Variants in TFAP2E observed in about 807,000 individuals in gnomAD.
TFAP2E encodes transcription factor AP-2-epsilon.
In TFAP2E, 30 loss-of-function variants were observed where a neutral mutation model predicts 37.9. The observed-to-expected ratio is 0.79, with a 90% CI of 0.59 to 1.07. The LOEUF (loss-of-function observed/expected upper bound fraction) is 1.07. Ranked by LOEUF, TFAP2E falls within the 50% of genes least tolerant of loss-of-function variation. TFAP2E has a pLI of 0.00. For missense variants in TFAP2E, 567 were observed against 637.9 expected, an observed-to-expected ratio of 0.89 and a Z score of 1.20; for synonymous variants, 318 against 295.8, an observed-to-expected ratio of 1.08 and a Z score of -0.77.
In TFAP2E at chr1:35,590,679, C is replaced by G; in HGVS notation, c.950C>G (p.Thr317Arg). The G allele has an allele frequency of 6.4e-7, 1 of 1,556,300 alleles. No homozygotes were observed. The highest frequency in any genetic ancestry group is 1.2e-5 in the South Asian group (1 of 84,024). Residue 317 changes from threonine to arginine, a missense_variant, in exon 6 of 7, where the codon ACG becomes AGG. Coordinates refer to ENST00000373235, the MANE Select transcript of TFAP2E (RefSeq NM_178548.4). The surrounding 1 kb of genome is among the most constrained non-coding windows in gnomAD (Gnocchi z 6.2). ...CGAGACTTCGGTTACGTCTGTGAGA[C>G]GGAGTTCCCAGCCAAGGCAGCTGCC... ...LARDFGYVCE[T>R]EFPAKAAAEY...
chr1:35,585,705 TTAC>T (rs1649461974), intron 3 of TFAP2E, among the ~76,000 whole-genome samples: 2 of 152,136 alleles, frequency 1.3e-5, no homozygotes, highest in African/African-American at 4.8e-5. Context: ...AATATATTAT[TTAC>T]TATTATATTG....
intron 3 of TFAP2E, among the ~76,000 whole-genome samples, chr1:35,578,068 G>A (rs1010740073): frequency 2.0e-5 from 3 of 152,188 alleles, no homozygotes; most frequent in African/African-American, 7.2e-5. Context: ...GAGTGCCCGA[G>A]GTTGGGTGAG....
chr1:35,591,631 G>C (rs1318579434), intron 6 of TFAP2E, among the ~76,000 whole-genome samples: 1 of 152,170 alleles, frequency 6.6e-6, no homozygotes, highest in Admixed American at 6.5e-5. Flanking sequence ...TTCAAACTAG[G>C]TCTGCGAGGG....
chr1:35,588,466 G>A lies in TFAP2E; in HGVS notation c.699G>A (p.Lys233=), dbSNP rs758607061. 2 of 1,610,232 alleles carry A rather than the reference G, an allele frequency of 1.2e-6. No individual in the cohort carries two copies. The highest frequency in any genetic ancestry group is 1.7e-6 in the Non-Finnish European group (2 of 1,179,476). The part of the protein sequence containing the change: ...GRLSLLSSTS[K]YKVTVGEVQR... ...TTTCACTGCTCAGCTCAACGTCCAA[G>A]TACAAGGTGACGGTGGGGGAGGTGC... is the stretch of plus-strand genomic sequence containing the variant. Residue 233 remains lysine (K), a synonymous_variant, in exon 4 of 7, where the codon AAG becomes AAA. Transcript: ENST00000373235. The surrounding 1 kb of genome is among the most constrained non-coding windows in gnomAD (Gnocchi z 5.1).
chr1:35,588,685 G>A lies in TFAP2E; in HGVS notation c.785+133G>A, dbSNP rs1467918075. ...TCTCCCTGGGAGGGGAGGCCCCGGG[G>A]ACTCTGGATTGTGCATGTTGTGGGG... is the stretch of plus-strand genomic sequence containing the variant. On this transcript the variant is annotated intron_variant, in intron 4 of 6. Transcript: ENST00000373235. The surrounding 1 kb of genome is among the most constrained non-coding windows in gnomAD (Gnocchi z 5.1). 4.1e-6 allele frequency: 4 copies of A among 964,384 alleles called. No individual in the cohort carries two copies. The highest frequency in any genetic ancestry group is 2.9e-6 in the Non-Finnish European group (2 of 682,324). The allele number at this position is 964,384 out of a possible 1,614,324, so 59.7% of individuals were successfully genotyped here.
In TFAP2E at chr1:35,594,498, C is replaced by A. The variant is rs945510282; in HGVS notation, c.1151C>A (p.Thr384Lys). ...ILEPGVQSCL[T>K]HFSLITHGFG... ...GAGCCCGGAGTACAGAGCTGCTTGA[C>A]ACACTTTAGCCTCATCACCCATGGC... The change falls in exon 7 of 7, where the codon ACA becomes AAA. Residue 384 changes from threonine to lysine, a missense_variant. Coordinates refer to ENST00000373235, the MANE Select transcript of TFAP2E (RefSeq NM_178548.4). 8 of 1,614,100 alleles carry A rather than the reference C, an allele frequency of 5.0e-6. No individual in the cohort carries two copies. Among genetic ancestry groups the A allele is most frequent in the Non-Finnish European group, 6.8e-6 (8 of 1,180,048 alleles).
Position 35,594,545 on chromosome 1 carries a change from G to T in TFAP2E, c.1198G>T (p.Ala400Ser). 1 of 1,614,184 alleles carries T rather than the reference G, an allele frequency of 6.2e-7. No individual in the cohort carries two copies. Among genetic ancestry groups the T allele is most frequent in the East Asian group, 2.2e-5 (1 of 44,878 alleles). Residue 400 changes from alanine (A) to serine (S), a missense_variant, in exon 7 of 7, where the codon GCT becomes TCT. Ala to Ser is a moderately conservative substitution (Grantham distance 99, BLOSUM62 1). This residue lies in a region of TFAP2E where 252 missense variants were observed against 302.6 expected (regional missense o/e 0.83). Transcript: ENST00000373235. ...THGFGGPAIC[A>S]ALTAFQNYLL... ...TGGCTTCGGTGGGCCTGCCATCTGT[G>T]CTGCCCTCACTGCCTTCCAGAACTA...
chr1:35,583,830 T>C (rs1649414636), intron 3 of TFAP2E, among the ~76,000 whole-genome samples: 1 of 152,120 alleles, frequency 6.6e-6, no homozygotes, highest in Non-Finnish European at 1.5e-5. Context: ...TAACCATGGA[T>C]TCCATCCCTC....
chr1:35,579,683 C>G (rs957604156), intron 3 of TFAP2E, among the ~76,000 whole-genome samples: 1 of 152,100 alleles, frequency 6.6e-6, no homozygotes, highest in African/African-American at 2.4e-5. Context: ...GCGTGAGCCA[C>G]CACGCTTGGC....
Position 35,589,983 on chromosome 1 carries a change from G to C in TFAP2E, c.839G>C (p.Gly280Ala). 6.2e-7 allele frequency: 1 copy of C among 1,614,148 alleles called. No homozygotes were observed. The highest frequency in any genetic ancestry group is 1.1e-5 in the South Asian group (1 of 91,078). The stretch of plus-strand genomic sequence containing the variant: ...TTGCGGGAACGGTTAGAGAAGATTG[G>C]GCTCAACCTGCCAGCTGGCCGTCGC... Reference protein sequence around the residue: ...RCLRERLEKIGLNLPAGRRKA... With the variant: ...RCLRERLEKIALNLPAGRRKA... The change falls in exon 5 of 7, where the codon GGG becomes GCG. Residue 280 changes from glycine (G) to alanine (A), a missense_variant. Transcript: ENST00000373235.
chr1:35,577,816 T>G lies in TFAP2E; in HGVS notation c.562+2816T>G. On this transcript the variant is annotated intron_variant, in intron 3 of 6. Coordinates refer to ENST00000373235, the MANE Select transcript of TFAP2E (RefSeq NM_178548.4). This position sits in a 1 kb window ranked among gnomAD's most constrained non-coding sequence, Gnocchi z 6.3. ...AAGCCCCGGCGCTTTACCACACACT[T>G]CCGGGTCCCATGCCAGTTGCATCCG... 1 of 216,922 alleles carries G rather than the reference T, an allele frequency of 4.6e-6. No individual in the cohort carries two copies. The highest frequency in any genetic ancestry group is 5.8e-5 in the South Asian group (1 of 17,266). 13.4% of individuals were successfully genotyped at this position (216,922 alleles called of 1,614,324 possible). A position where few individuals can be genotyped will look rare whatever the true frequency, so the allele number is the denominator to read the frequency against.
chr1:35,587,636 CAAAAAAAAA>C (rs553131997), intron 3 of TFAP2E, among the ~76,000 whole-genome samples: 1 of 51,360 alleles, frequency 1.9e-5, no homozygotes, highest in African/African-American at 6.6e-5. Context: ...GACTCCATCT[CAAAAAAAAA>C]AAAAAAAAAA....
In TFAP2E at chr1:35,588,439, G is replaced by T; in HGVS notation, c.672G>T (p.Arg224=). Residue 224 remains arginine, a synonymous_variant, in exon 4 of 7, where the codon CGG becomes CGT. Transcript: ENST00000373235. The surrounding 1 kb of genome is among the most constrained non-coding windows in gnomAD (Gnocchi z 5.1). ...PGEVFCSVPG[R]LSLLSSTSKY... ...AGGTCTTCTGCTCCGTGCCCGGCCG[G>T]CTTTCACTGCTCAGCTCAACGTCCA... 6.2e-7 allele frequency: 1 copy of T among 1,611,332 alleles called. No homozygotes were observed.
At chr1:35,574,864 CAG>C in intron 2 of TFAP2E, 83 bp from the exon 3 acceptor site, 1 of 1,593,154 alleles carries the variant, frequency 6.3e-7, no homozygotes, top group Non-Finnish European at 8.6e-7. Flanking sequence ...GCGGAGCAGA[CAG>C]AGACCCTGGG....
chr1:35,593,035 TAGAG>T (rs1649734125), intron 6 of TFAP2E, among the ~76,000 whole-genome samples: 1 of 150,958 alleles, frequency 6.6e-6, no homozygotes. Context: ...AGGAGGGGGA[TAGAG>T]AAAGAGAGAA....
In TFAP2E at chr1:35,574,245, C is replaced by G. The variant is rs1325934216; in HGVS notation, c.346C>G (p.Leu116Val). The change falls in exon 2 of 7, where the codon CTG becomes GTG. Residue 116 changes from leucine to valine, a missense_variant. Around this residue, in one of 3 missense-constraint regions of TFAP2E, gnomAD observed 312 missense variants for 317.4 expected, o/e 0.98. Transcript: ENST00000373235. ...AARAHEEPPG[L>V]LAPPARALGL... ...CCGCGCCCACGAGGAGCCTCCCGGC[C>G]TGCTGGCACCGCCCGCCCGCGCCCT... is the stretch of plus-strand genomic sequence containing the variant. The G allele has an allele frequency of 5.4e-6, 7 of 1,297,702 alleles. No homozygotes were observed. Among genetic ancestry groups the G allele is most frequent in the Non-Finnish European group, 6.9e-6 (7 of 1,018,224 alleles). 80.4% of individuals were successfully genotyped at this position (1,297,702 alleles called of 1,614,324 possible).
Position 35,574,375 on chromosome 1 carries a change from G to A in TFAP2E, c.476G>A (p.Gly159Glu). 1 of 1,440,574 alleles carries A rather than the reference G, an allele frequency of 6.9e-7. No individual in the cohort carries two copies. The highest frequency in any genetic ancestry group is 9.0e-7 in the Non-Finnish European group (1 of 1,109,402). The allele number at this position is 1,440,574 out of a possible 1,614,324, so 89.2% of individuals were successfully genotyped here. A position where few individuals can be genotyped will look rare whatever the true frequency, so the allele number is the denominator to read the frequency against. ...GLADAPLGLP[G>E]LAAAPGLEDL... ...GCAGACGCACCTCTCGGCCTTCCGG[G>A]GCTGGCGGCGGCCCCCGGTCTGGAG... is the stretch of plus-strand genomic sequence containing the variant. Residue 159 changes from glycine (G) to glutamate (E), a missense_variant, in exon 2 of 7, where the codon GGG becomes GAG. By Grantham distance (98) the Gly-to-Glu change is moderately conservative (BLOSUM62 -2). Coordinates refer to ENST00000373235, the MANE Select transcript of TFAP2E (RefSeq NM_178548.4).
chr1:35,593,779 G>A (rs1044536294), intron 6 of TFAP2E, among the ~76,000 whole-genome samples: 2 of 152,196 alleles, frequency 1.3e-5, no homozygotes, highest in Non-Finnish European at 2.9e-5. Flanking sequence ...CACACAGGAC[G>A]CACAAAGGAA....
intron 3 of TFAP2E, among the ~76,000 whole-genome samples, chr1:35,580,093 C>A (rs374588073): frequency 6.6e-6 from 1 of 152,092 alleles, no homozygotes; most frequent in African/African-American, 2.4e-5. Context: ...GCCTGTAGTC[C>A]CAGCTACTCC....
Sources: gnomAD v4.1 joint callset for allele counts (sites outside exome capture counted in the v4.1 genomes callset) on GRCh38, gnomAD v4.1.1 for gene constraint, gnomAD v4.1.1 regional missense constraint, Gnocchi (gnomAD v3.1) non-coding constraint, MANE v1.5 for transcripts, NCBI Gene and HGNC (gene_info 2026-07-23, HGNC 2026-07-21) for gene names.